The following PRKG1 variants were observed in gnomAD, a reference collection of about 807,000 sequenced individuals.
PRKG1 encodes cGMP-dependent protein kinase 1.
In PRKG1, 35 loss-of-function variants were observed where a neutral mutation model predicts 88.1. The observed-to-expected ratio is 0.40, with a 90% CI of 0.30 to 0.53. PRKG1 has a LOEUF of 0.53. PRKG1 is among the 20% of genes least tolerant of loss of function. The pLI is 0.59. For synonymous variants in PRKG1, 303 were observed against 292.5 expected, an observed-to-expected ratio of 1.04 and a Z score of -0.37; for missense variants, 540 against 839.8, an observed-to-expected ratio of 0.64 and a Z score of 4.41.
rs187967418 is a variant in PRKG1, at chr10:51,545,119, G to A, written c.592+77283G>A. On this transcript the variant is annotated intron_variant, in intron 3 of 17. Coordinates refer to ENST00000373980, the MANE Select transcript of PRKG1 (RefSeq NM_006258.4). ...TATCTGCCCTTGTATGTCAATAATG[G>A]GTTATAAGGGTCATAATACACTTAA... is the stretch of plus-strand genomic sequence containing the variant. Among the ~76,000 whole-genome samples the A allele has an allele frequency of 3.9e-3, 595 of 151,746 alleles. 3 individuals are homozygous for A. The highest frequency in any genetic ancestry group is 0.014 in the African/African-American group (568 of 41,394).
intron 2 of PRKG1, among the ~76,000 whole-genome samples, chr10:51,373,358 G>A (rs1842742241): frequency 6.6e-6 from 1 of 152,152 alleles, no homozygotes; most frequent in African/African-American, 2.4e-5. Flanking sequence ...CATCAGCCAG[G>A]GATAGAGTCT....
chr10:52,163,713 G>T (rs528037725), intron 9 of PRKG1, among the ~76,000 whole-genome samples: 4 of 152,122 alleles, frequency 2.6e-5, no homozygotes, highest in African/African-American at 7.2e-5. Flanking sequence ...AAAGATAACT[G>T]TGTGTACATC....
At chr10:51,665,379 A>C (rs1417853735) in intron 3 of PRKG1, among the ~76,000 whole-genome samples, 1 of 152,126 alleles carries the variant, frequency 6.6e-6, no homozygotes, top group African/African-American at 2.4e-5. Flanking sequence ...AATTTCAAAA[A>C]TCCGTCTTAG....
intron 7 of PRKG1, among the ~76,000 whole-genome samples, chr10:52,085,540 T>G (rs1484482152): frequency 6.6e-6 from 1 of 152,100 alleles, no homozygotes; most frequent in Non-Finnish European, 1.5e-5. Flanking sequence ...CCCACATCAT[T>G]TTTTTTCCTC....
chr10:51,060,014 GAATTAT>G (rs1843676249), intron 1 of PRKG1, among the ~76,000 whole-genome samples: 1 of 151,946 alleles, frequency 6.6e-6, no homozygotes, highest in Non-Finnish European at 1.5e-5. Flanking sequence ...TATAAATTTA[GAATTAT>G]AATTACTTTC....
At chr10:51,875,940 TTTTC>T (rs1236082726) in intron 4 of PRKG1, among the ~76,000 whole-genome samples, 3 of 114,176 alleles carry the variant, frequency 2.6e-5, no homozygotes, top group African/African-American at 5.4e-5. Flanking sequence ...TATTCCTTTC[TTTTC>T]TTTCTTTCTT....
chr10:52,191,379 G>C (rs534721770), intron 9 of PRKG1, among the ~76,000 whole-genome samples: 2 of 151,388 alleles, frequency 1.3e-5, no homozygotes, highest in East Asian at 3.9e-4. Flanking sequence ...TGTTGCCTAG[G>C]CTGTTTTCAA....
intron 7 of PRKG1, among the ~76,000 whole-genome samples, chr10:52,065,494 C>T (rs1390984047): frequency 6.7e-6 from 1 of 149,984 alleles, no homozygotes; most frequent in African/African-American, 2.5e-5. Flanking sequence ...AAGCCACAAT[C>T]AGATGACAGG....
chr10:51,776,831 A>G (rs909994727), intron 3 of PRKG1, among the ~76,000 whole-genome samples: 2 of 152,076 alleles, frequency 1.3e-5, no homozygotes, highest in Non-Finnish European at 2.9e-5. Context: ...TCTCAAAAAC[A>G]AAACAAAACA....
intron 9 of PRKG1, among the ~76,000 whole-genome samples, chr10:52,239,640 G>A (rs1327375433): frequency 4.0e-5 from 6 of 151,484 alleles, no homozygotes; most frequent in African/African-American, 1.5e-4. Context: ...ATTATTTAGG[G>A]CTGTTCAACT....
intron 3 of PRKG1, among the ~76,000 whole-genome samples, chr10:51,692,599 G>A (rs1841173183): frequency 1.3e-5 from 2 of 152,226 alleles, no homozygotes; most frequent in East Asian, 1.9e-4. Context: ...AGGTGAGTCT[G>A]TAGGATTCAC....
chr10:51,743,279 G>A (rs972426431), intron 3 of PRKG1, among the ~76,000 whole-genome samples: 1 of 152,120 alleles, frequency 6.6e-6, no homozygotes, highest in Admixed American at 6.5e-5. Flanking sequence ...GTCCCCTGGG[G>A]ATAGAATAGG....
intron 2 of PRKG1, among the ~76,000 whole-genome samples, chr10:51,404,416 C>T (rs957462695): frequency 6.6e-6 from 1 of 152,172 alleles, no homozygotes; most frequent in African/African-American, 2.4e-5. Flanking sequence ...GTTTTTACTG[C>T]CAGTGTCAGA....
chr10:51,417,634 T>C (rs756405063), intron 2 of PRKG1, among the ~76,000 whole-genome samples: 38 of 152,296 alleles, frequency 2.5e-4, no homozygotes, highest in South Asian at 2.1e-4. Flanking sequence ...CTTTTATATA[T>C]CATTATTAAA....
At chr10:52,181,117 G>T (rs114288909) in intron 9 of PRKG1, among the ~76,000 whole-genome samples, 1,873 of 152,240 alleles carry the variant, frequency 0.012, 43 homozygotes, top group African/African-American at 0.043. Flanking sequence ...GGGCTTGTCT[G>T]CTAGTGACAG....
intron 3 of PRKG1, among the ~76,000 whole-genome samples, chr10:51,541,179 T>C (rs1385142821): frequency 1.3e-5 from 2 of 152,010 alleles, no homozygotes; most frequent in Non-Finnish European, 2.9e-5. Context: ...CATCAGGCAT[T>C]AGTTGGTCTC....
At position 52,295,376 on chromosome 10, in the gene PRKG1, A is replaced by T. The variant is rs1358718098; in HGVS notation, c.*1476A>T. The T allele has an allele frequency of 6.6e-6, 1 of 152,082 alleles. No individual in the cohort carries two copies. Among genetic ancestry groups the T allele is most frequent in the Non-Finnish European group, 1.5e-5 (1 of 67,976 alleles). The allele number at this position is 152,082 out of a possible 1,614,324, so 9.4% of individuals were successfully genotyped here. On this transcript the variant is annotated 3_prime_UTR_variant, in exon 18 of 18. Coordinates refer to ENST00000373980, the MANE Select transcript of PRKG1 (RefSeq NM_006258.4). The stretch of plus-strand genomic sequence containing the variant: ...TAAAATAGAATTACTACAATTCTGC[A>T]ATTTCATACTACCTAAAAAAGACTA...
At chr10:51,369,336 T>C (rs1842653015) in intron 2 of PRKG1, among the ~76,000 whole-genome samples, 1 of 152,036 alleles carries the variant, frequency 6.6e-6, no homozygotes, top group Non-Finnish European at 1.5e-5. Flanking sequence ...CCCACTTCCT[T>C]GTTCATAGGT....
At chr10:51,219,937 C>T in intron 2 of PRKG1, among the ~76,000 whole-genome samples, 1 of 151,930 alleles carries the variant, frequency 6.6e-6, no homozygotes, top group East Asian at 1.9e-4. Context: ...GATCTCGCTC[C>T]CCTGATTGTA....
Sources: gnomAD v4.1 joint callset for allele counts (sites outside exome capture counted in the v4.1 genomes callset) on GRCh38, gnomAD v4.1.1 for gene constraint, MANE v1.5 for transcripts, NCBI Gene and HGNC (gene_info 2026-07-23, HGNC 2026-07-21) for gene names.